The following PADI4 variants were observed in gnomAD, a reference collection of about 807,000 sequenced individuals.
PADI4 encodes protein-arginine deiminase type-4.
A neutral mutation model predicts 75.0 loss-of-function variants in PADI4; 62 were observed. The observed-to-expected ratio is 0.83, with a 90% CI of 0.67 to 1.02. PADI4 has a LOEUF of 1.02. Among genes scored for constraint, PADI4 ranks in the 50% least tolerant of loss-of-function variants. The probability of loss-of-function intolerance (pLI) is 0.00; values close to 1 mark genes in which losing one functional copy is unlikely to be tolerated. For synonymous variants in PADI4, 361 were observed against 348.1 expected, an observed-to-expected ratio of 1.04 and a Z score of -0.41; for missense variants, 845 against 850.5, an observed-to-expected ratio of 0.99 and a Z score of 0.08.
intron 1 of PADI4, among the ~76,000 whole-genome samples, chr1:17,314,930 T>C (rs2073906180): frequency 6.6e-6 from 1 of 152,150 alleles, no homozygotes; most frequent in Non-Finnish European, 1.5e-5. Context: ...TGTTGGGAAT[T>C]CGTATGTTCC....
rs2073707132 is a variant in PADI4 at position 17,308,276 on chromosome 1, G to A, written c.54G>A (p.Val18=). 5 of 1,614,022 alleles carry A rather than the reference G, an allele frequency of 3.1e-6. No homozygotes were observed. In the Admixed American group the frequency reaches 8.3e-5, roughly 27 times the overall value. Residue 18 remains valine, a synonymous_variant, in exon 1 of 16, where the codon GTG becomes GTA. Coordinates refer to ENST00000375448, the MANE Select transcript of PADI4 (RefSeq NM_012387.3). ...CCCCAGAGCAGCCCACCCATGCCGT[G>A]TGTGTGCTGGGCACCTTGACTCAGC... The part of the protein sequence containing the change: ...RVTPEQPTHA[V]CVLGTLTQLD...
At chr1:17,320,613 G>A (rs181890377) in intron 1 of PADI4, among the ~76,000 whole-genome samples, 18 of 152,234 alleles carry the variant, frequency 1.2e-4, no homozygotes, top group African/African-American at 3.6e-4. Flanking sequence ...CTGTCATGAC[G>A]CTGGTGGGAG....
chr1:17,347,438 G>C lies in PADI4; in HGVS notation c.1048-503G>C, dbSNP rs371599231. The stretch of plus-strand genomic sequence containing the variant: ...GCAGATTCATTTCTGAAACCTCCCC[G>C]TGCTCCTCCTGCTGCTCCAGTGGCC... On this transcript the variant is annotated intron_variant, in intron 9 of 15. Coordinates refer to ENST00000375448, the MANE Select transcript of PADI4 (RefSeq NM_012387.3). Among the ~76,000 whole-genome samples, 8 of 152,022 alleles carry C rather than the reference G, an allele frequency of 5.3e-5. No individual in the cohort carries two copies. The South Asian group carries it at 1.0e-3, about 20-fold the overall frequency.
intron 10 of PADI4, among the ~76,000 whole-genome samples, chr1:17,351,994 T>C (rs375088569): frequency 0.015 from 687 of 44,612 alleles, 54 homozygotes; most frequent in Middle Eastern, 0.037. Flanking sequence ...GGAGAGGCAG[T>C]CAGGGAGGTG....
At chr1:17,314,659 A>G (rs576544870) in intron 1 of PADI4, among the ~76,000 whole-genome samples, 2 of 152,214 alleles carry the variant, frequency 1.3e-5, no homozygotes, top group Non-Finnish European at 2.9e-5. Flanking sequence ...GTCAGTGGCT[A>G]GGCCAAGGTC....
chr1:17,312,856 CT>C (rs71014932), intron 1 of PADI4, among the ~76,000 whole-genome samples: 8,738 of 133,956 alleles, frequency 0.065, 299 homozygotes, highest in African/African-American at 0.11. Context: ...AGATATGTAG[CT>C]TTTTTTTTTT....
chr1:17,334,030 T>C (rs767974531), intron 3 of PADI4, 21 bp downstream of exon 3: 2 of 1,500,504 alleles, frequency 1.3e-6, no homozygotes, highest in Non-Finnish European at 1.9e-6. Context: ...ACCAGGATCC[T>C]AGAGTGCCGT....
chr1:17,310,565 CA>C (rs1254987398), intron 1 of PADI4, among the ~76,000 whole-genome samples: 1 of 152,082 alleles, frequency 6.6e-6, no homozygotes, highest in Non-Finnish European at 1.5e-5. Context: ...GCAGAGGTTG[CA>C]GTGAGCCAAG....
chr1:17,308,633 A>C (rs896543870), intron 1 of PADI4, among the ~76,000 whole-genome samples: 33 of 152,180 alleles, frequency 2.2e-4, no homozygotes, highest in African/African-American at 8.0e-4. Context: ...GACTTGCTCA[A>C]GGTCACACAG....
At chr1:17,324,227 G>A (rs985743117) in intron 1 of PADI4, among the ~76,000 whole-genome samples, 4 of 145,842 alleles carry the variant, frequency 2.7e-5, no homozygotes, top group African/African-American at 1.0e-4. Context: ...GTTGAATCGT[G>A]TCATTTATAG....
intron 1 of PADI4, among the ~76,000 whole-genome samples, chr1:17,323,860 A>AAC (rs67001108): frequency 0.02 from 605 of 30,992 alleles, 3 homozygotes; most frequent in East Asian, 0.078. Flanking sequence ...CAACAACAAC[A>AAC]AAAAAAACAC....
At position 17,336,231 on chromosome 1, in the gene PADI4, C is replaced by A. The variant is rs771535355; in HGVS notation, c.408+5C>A. ...ACCAGAGCTGTGAAAGATCAGGTAC[C>A]ACTCACCCAAACGCTCCTTTCCTAC... On this transcript the variant is annotated splice_donor_5th_base_variant and intron_variant, in intron 4 of 15. Coordinates refer to ENST00000375448, the MANE Select transcript of PADI4 (RefSeq NM_012387.3). The A allele has an allele frequency of 6.2e-7, 1 of 1,611,966 alleles. No homozygotes were observed. Among genetic ancestry groups the A allele is most frequent in the South Asian group, 1.1e-5 (1 of 91,026 alleles).
chr1:17,324,151 TTTTG>T lies in PADI4; in HGVS notation c.93-6814_93-6811del, dbSNP rs1477840493. ...GGCTAATAACACCAAGTTGGGTTTTTTTTGTTTTTTTTTTTTTGCAAAATGGTTA... is the reference window on the plus strand; with the variant it reads ...GGCTAATAACACCAAGTTGGGTTTTTTTTTTTTTTTTTTGCAAAATGGTTA... On this transcript the variant is annotated intron_variant, in intron 1 of 15. Transcript: ENST00000375448. 1.0e-3 allele frequency among the ~76,000 whole-genome samples: 143 copies of T among 143,284 alleles called. 1 individual carries two copies. Among genetic ancestry groups the T allele is most frequent in the African/African-American group, 3.0e-3 (111 of 36,846 alleles). 94.0% of individuals were successfully genotyped at this position (143,284 alleles called of 152,430 possible).
chr1:17,351,964 CGGCCAGGGA>C (rs2074640305), intron 10 of PADI4, among the ~76,000 whole-genome samples: 4 of 77,844 alleles, frequency 5.1e-5, no homozygotes, highest in East Asian at 3.1e-4. Flanking sequence ...GGAGGAGAGG[CGGCCAGGGA>C]GGTGATGGGA....
At chr1:17,355,128 C>T (rs1426930323) in intron 11 of PADI4, among the ~76,000 whole-genome samples, 1 of 152,170 alleles carries the variant, frequency 6.6e-6, no homozygotes, top group African/African-American at 2.4e-5. Flanking sequence ...GAACTGAGGC[C>T]TAATGACAGA....
intron 1 of PADI4, among the ~76,000 whole-genome samples, chr1:17,323,628 G>A (rs1298517390): frequency 6.6e-6 from 1 of 152,122 alleles, no homozygotes; most frequent in African/African-American, 2.4e-5. Flanking sequence ...AAGTCTAGGG[G>A]TTCAAGACTA....
chr1:17,352,080 A>ACTGTG (rs2074659657), intron 10 of PADI4, among the ~76,000 whole-genome samples: 6 of 114,634 alleles, frequency 5.2e-5, no homozygotes, highest in African/African-American at 1.6e-4. Flanking sequence ...GAAGAGAGGC[A>ACTGTG]GTCAGGGAGG....
chr1:17,342,397 G>A lies in PADI4; in HGVS notation c.930G>A (p.Ala310=), dbSNP rs144416829. ...CCCAGCCCCCGCAGGAGGTGTACGC[G>A]TGCAGGTGAGAGGTCCTGGGGTGCT... ...PNTQPPQEVY[A]CSIFENEDFL... Residue 310 remains alanine, a synonymous_variant, in exon 8 of 16, where the codon GCG becomes GCA. Coordinates refer to ENST00000375448, the MANE Select transcript of PADI4 (RefSeq NM_012387.3). 4.7e-4 allele frequency: 754 copies of A among 1,606,678 alleles called. 1 individual carries two copies. The highest frequency in any genetic ancestry group is 6.0e-4 in the Non-Finnish European group (700 of 1,173,498).
In PADI4 at chr1:17,340,878, G is replaced by A. The variant is rs975957128; in HGVS notation, c.652+1065G>A. 2.0e-5 allele frequency among the ~76,000 whole-genome samples: 3 copies of A among 147,252 alleles called. No individual in the cohort carries two copies. In the Admixed American group the frequency reaches 2.1e-4, roughly 10 times the overall value. On this transcript the variant is annotated intron_variant, in intron 6 of 15. Transcript: ENST00000375448. ...TGCAGTGGTGCCATCTTGGCTCACT[G>A]CAGCCTCCACCTCCTGGGTTCCAGA...
Sources: gnomAD v4.1 joint callset for allele counts (sites outside exome capture counted in the v4.1 genomes callset) on GRCh38, gnomAD v4.1.1 for gene constraint, MANE v1.5 for transcripts, NCBI Gene and HGNC (gene_info 2026-07-23, HGNC 2026-07-21) for gene names.